The following GOLGA5 variants were observed in gnomAD, a reference collection of about 807,000 sequenced individuals.
The protein encoded by GOLGA5 is golgin subfamily A member 5.
In GOLGA5, 50 loss-of-function variants were observed where a neutral mutation model predicts 93.5. The ratio of observed to expected loss-of-function variants is 0.53; its 90% CI spans 0.43 to 0.68. The LOEUF (loss-of-function observed/expected upper bound fraction) is 0.68, where lower values mean the gene tolerates loss of function less well. GOLGA5 is among the 30% of genes least tolerant of loss of function. GOLGA5 has a pLI of 0.00. For synonymous variants in GOLGA5, 312 were observed against 304.5 expected (o/e 1.02, Z -0.26); for missense variants, 760 against 856.4 (o/e 0.89, Z 1.40).
chr14:92,825,877 C>T (rs1023927734), intron 9 of GOLGA5, among the ~76,000 whole-genome samples: 1 of 123,434 alleles, frequency 8.1e-6, no homozygotes, highest in African/African-American at 3.1e-5. Flanking sequence ...GAAAAAACAA[C>T]CATAGGGTGG....
At chr14:92,794,666 C>A (rs1884680113) in intron 1 of GOLGA5, among the ~76,000 whole-genome samples, 1 of 152,248 alleles carries the variant, frequency 6.6e-6, no homozygotes, top group Non-Finnish European at 1.5e-5. Context: ...CTTCCTTTCT[C>A]CTGACCCCTG....
intron 6 of GOLGA5, among the ~76,000 whole-genome samples, chr14:92,814,579 C>T (rs1375587271): frequency 3.3e-5 from 5 of 151,828 alleles, no homozygotes; most frequent in Non-Finnish European, 7.4e-5. Context: ...TAAAAAAAAT[C>T]TTAAAATGTT....
At chr14:92,796,383 T>C (rs1884728032) in intron 1 of GOLGA5, among the ~76,000 whole-genome samples, 1 of 152,194 alleles carries the variant, frequency 6.6e-6, no homozygotes, top group Non-Finnish European at 1.5e-5. Context: ...AGACTTGAAG[T>C]CCAAGATCAA....
intron 1 of GOLGA5, among the ~76,000 whole-genome samples, chr14:92,797,060 TAATAATA>T (rs1237684143): frequency 6.8e-6 from 1 of 147,980 alleles, no homozygotes; most frequent in Non-Finnish European, 1.5e-5. Flanking sequence ...TTTGAAATAG[TAATAATA>T]AATAATAAAA....
At chr14:92,821,400 T>C (rs1338017980) in intron 8 of GOLGA5, among the ~76,000 whole-genome samples, 1 of 152,174 alleles carries the variant, frequency 6.6e-6, no homozygotes, top group African/African-American at 2.4e-5. Context: ...AATGTACTCA[T>C]ATAATAGTTT....
chr14:92,837,399 AT>A lies in GOLGA5; in HGVS notation c.2070del (p.Leu691SerfsTer6). On this transcript the variant is annotated frameshift_variant, in exon 12 of 13. Transcript: ENST00000163416. LOFTEE classifies it high-confidence loss of function. ...GTGTCTGCACAGTATTCGCCTGGGA[AT>A]TTTTCTCCGAAGATACCCCATAGCG... ...SIDQFSIRLGIFLRRYPIARV... is the reference protein window; with the variant it reads ...SIDQFSIRLGXFLRRYPIARV... 4.5e-6 allele frequency: 7 copies of A among 1,543,348 alleles called. No homozygotes were observed. The highest frequency in any genetic ancestry group is 4.5e-6 in the Non-Finnish European group (5 of 1,116,318).
intron 9 of GOLGA5, among the ~76,000 whole-genome samples, chr14:92,829,119 C>T (rs372958245): frequency 6.6e-6 from 1 of 152,148 alleles, no homozygotes; most frequent in African/African-American, 2.4e-5. Context: ...TGCAAGCTAC[C>T]ACGCCTGGCT....
At chr14:92,809,979 G>T (rs1357150514) in intron 4 of GOLGA5, among the ~76,000 whole-genome samples, 1 of 152,138 alleles carries the variant, frequency 6.6e-6, no homozygotes, top group Non-Finnish European at 1.5e-5. Flanking sequence ...ACATAAAATG[G>T]ATTCATTGTT....
Position 92,824,613 on chromosome 14 carries a change from G to A in GOLGA5, c.1688G>A (p.Arg563Gln), listed in dbSNP as rs577229286. The change falls in exon 9 of 13, where the codon CGA becomes CAA. Residue 563 changes from arginine (R) to glutamine (Q), a missense_variant. Physicochemically the swap from Arg to Gln is conservative, Grantham distance 43. Transcript: ENST00000163416. ...KNTLQSRIKD[R>Q]DEEIQKLRNQ... ...ACATTGCAAAGCAGAATTAAAGATC[G>A]AGACGAAGAAATTCAAAAACTCAGG... 7.5e-6 allele frequency: 12 copies of A among 1,600,330 alleles called. No individual in the cohort carries two copies. The African/African-American group carries it at 1.2e-4, about 16-fold the overall frequency.
At chr14:92,824,441 A>C (rs1885374038) in intron 8 of GOLGA5, 105 bp from the exon 9 acceptor site, 1 of 639,086 alleles carries the variant, frequency 1.6e-6, no homozygotes, top group Non-Finnish European at 2.9e-6. Flanking sequence ...TTACATGTTC[A>C]GCACATACTG....
At position 92,794,321 on chromosome 14, in the gene GOLGA5, T is replaced by C. The variant is rs567350411; in HGVS notation, c.-166T>C. 1 of 152,450 alleles carries C rather than the reference T, an allele frequency of 6.6e-6. No homozygotes were observed. Among genetic ancestry groups the C allele is most frequent in the South Asian group, 2.1e-4 (1 of 4,832 alleles). 9.4% of individuals were successfully genotyped at this position (152,450 alleles called of 1,614,324 possible). ...GGGGTCCTCGCTTCCCTTCCACGTC[T>C]CCCGGAAGCGGTAGCAGGGCCCCGG... is the stretch of plus-strand genomic sequence containing the variant. On this transcript the variant is annotated 5_prime_UTR_variant, in exon 1 of 13. Coordinates refer to ENST00000163416, the MANE Select transcript of GOLGA5 (RefSeq NM_005113.4).
chr14:92,807,838 C>T lies in GOLGA5; in HGVS notation c.772+875C>T, dbSNP rs140105177. Among the ~76,000 whole-genome samples the T allele has an allele frequency of 1.2e-3, 184 of 152,150 alleles. 1 individual carries two copies. Among genetic ancestry groups the T allele is most frequent in the Middle Eastern group, 6.8e-3 (2 of 294 alleles). On this transcript the variant is annotated intron_variant, in intron 3 of 12. Transcript: ENST00000163416. ...GAGAAGAAAACGAGTGACAAAATTGCTGCCTTGGTTCCTGGGGCTAATTAG... is the reference window on the plus strand; with the variant it reads ...GAGAAGAAAACGAGTGACAAAATTGTTGCCTTGGTTCCTGGGGCTAATTAG...
chr14:92,826,375 C>T (rs1206110281), intron 9 of GOLGA5, among the ~76,000 whole-genome samples: 1 of 150,886 alleles, frequency 6.6e-6, no homozygotes, highest in African/African-American at 2.4e-5. Flanking sequence ...TATTTTTGGG[C>T]TTTCTGCATG....
At chr14:92,830,417 T>C (rs1225093681) in intron 9 of GOLGA5, among the ~76,000 whole-genome samples, 1 of 151,720 alleles carries the variant, frequency 6.6e-6, no homozygotes, top group East Asian at 1.9e-4. Flanking sequence ...ATTTTTTTTT[T>C]TTAGCTTATC....
In GOLGA5 at chr14:92,833,269, G is replaced by A. The variant is rs773720304; in HGVS notation, c.1867G>A (p.Glu623Lys). Reference protein sequence around the residue: ...NSLVFQLERLEQQMNSASGSS... With the variant: ...NSLVFQLERLKQQMNSASGSS... ...CCTGGTCTTTCAACTGGAGCGCCTCGAACAGCAGATGAACTCCGCCTCTGG... is the reference window on the plus strand; with the variant it reads ...CCTGGTCTTTCAACTGGAGCGCCTCAAACAGCAGATGAACTCCGCCTCTGG... Residue 623 changes from glutamate (E) to lysine (K), a missense_variant, in exon 10 of 13, where the codon GAA (glutamate) becomes AAA (lysine). Physicochemically the swap from Glu to Lys is moderately conservative, Grantham distance 56 (BLOSUM62 1). Transcript: ENST00000163416. The A allele has an allele frequency of 2.3e-5, 37 of 1,613,856 alleles. No individual in the cohort carries two copies. The highest frequency in any genetic ancestry group is 4.5e-5 in the East Asian group (2 of 44,888).
At chr14:92,819,593 A>C (rs1885273723) in intron 7 of GOLGA5, 115 bp from the exon 8 acceptor site, 1 of 902,926 alleles carries the variant, frequency 1.1e-6, no homozygotes, top group South Asian at 1.4e-5. Flanking sequence ...TGATTGTGCC[A>C]CTGCACTCCA....
At chr14:92,812,645 C>T (rs1220983321) in intron 6 of GOLGA5, among the ~76,000 whole-genome samples, 1 of 152,104 alleles carries the variant, frequency 6.6e-6, no homozygotes, top group East Asian at 1.9e-4. Context: ...ATTCTCTGTC[C>T]TTTTCTTAGT....
At chr14:92,838,988 T>C (rs1885704371) in intron 12 of GOLGA5, among the ~76,000 whole-genome samples, 1 of 152,234 alleles carries the variant, frequency 6.6e-6, no homozygotes, top group Admixed American at 6.5e-5. Context: ...TCCCATCTCT[T>C]CTTCACCGAA....
chr14:92,833,730 A>G (rs549481006), intron 10 of GOLGA5, among the ~76,000 whole-genome samples: 21 of 152,360 alleles, frequency 1.4e-4, no homozygotes, highest in African/African-American at 4.8e-4. Flanking sequence ...TCACATAACC[A>G]TATCTAAAGA....
Sources: allele counts gnomAD v4.1 joint callset (sites outside exome capture counted in the v4.1 genomes callset), GRCh38; gene constraint gnomAD v4.1.1; transcripts MANE v1.5; gene names NCBI Gene and HGNC (gene_info 2026-07-23, HGNC 2026-07-21).